WWOX: variants seen among roughly 807,000 people sequenced by gnomAD.
WWOX encodes the protein WW domain-containing oxidoreductase.
A neutral mutation model predicts 46.2 loss-of-function variants in WWOX; 69 were observed. That is an observed-to-expected ratio of 1.49 (90% CI 1.23 to 1.82). The LOEUF is 1.82. Among genes scored for constraint, WWOX ranks in the 40% most tolerant of loss-of-function variants. WWOX has a pLI of 0.00. For missense variants in WWOX, 919 were observed against 542.6 expected, an observed-to-expected ratio of 1.69 and a Z score of -6.89; for synonymous variants, 359 against 202.6, an observed-to-expected ratio of 1.77 and a Z score of -6.56.
intron 8 of WWOX, among the ~76,000 whole-genome samples, chr16:78,964,601 C>T (rs141558724): frequency 0.013 from 2,007 of 152,220 alleles, 24 homozygotes; most frequent in Non-Finnish European, 0.02. Context: ...TCTGATTGTG[C>T]GATAGAAAAG....
chr16:78,887,082 GTGTGTGTGTGT>G (rs2044477228), intron 8 of WWOX, among the ~76,000 whole-genome samples: 22 of 12,860 alleles, frequency 1.7e-3, no homozygotes, highest in East Asian at 9.0e-3. Context: ...TGTGTGGTGT[GTGTGTGTGTGT>G]GTGTGTGTGT....
chr16:78,577,101 C>T (rs372857454), intron 8 of WWOX, among the ~76,000 whole-genome samples: 1 of 152,160 alleles, frequency 6.6e-6, no homozygotes, highest in East Asian at 1.9e-4. Context: ...GGGGAACATT[C>T]TTCTCTTGGT....
chr16:78,787,043 G>A (rs2050474806), intron 8 of WWOX, among the ~76,000 whole-genome samples: 1 of 152,282 alleles, frequency 6.6e-6, no homozygotes, highest in Admixed American at 6.5e-5. Context: ...AGGTATTCAG[G>A]AGGCTGAGGC....
intron 8 of WWOX, among the ~76,000 whole-genome samples, chr16:78,682,998 T>A (rs1314600963): frequency 1.3e-5 from 2 of 152,102 alleles, no homozygotes; most frequent in East Asian, 3.9e-4. Context: ...GATGTGAGAT[T>A]TCAATAAATG....
chr16:78,487,730 C>A (rs1423653131), intron 8 of WWOX, among the ~76,000 whole-genome samples: 3 of 152,102 alleles, frequency 2.0e-5, no homozygotes, highest in African/African-American at 7.2e-5. Context: ...AAATGTCTGG[C>A]CTTCTGGGGA....
intron 8 of WWOX, among the ~76,000 whole-genome samples, chr16:78,657,252 C>T (rs2047102590): frequency 6.6e-6 from 1 of 152,082 alleles, no homozygotes; most frequent in Non-Finnish European, 1.5e-5. Context: ...CCACCCTTGC[C>T]TGGGGTGAGT....
intron 8 of WWOX, among the ~76,000 whole-genome samples, chr16:78,778,608 G>C (rs2050248850): frequency 6.6e-6 from 1 of 152,142 alleles, no homozygotes; most frequent in African/African-American, 2.4e-5. Flanking sequence ...TGTGGTCTCA[G>C]AGTCATTTTA....
intron 8 of WWOX, among the ~76,000 whole-genome samples, chr16:78,929,086 A>G (rs576678449): frequency 1.3e-5 from 2 of 152,240 alleles, no homozygotes; most frequent in African/African-American, 4.8e-5. Context: ...ATCCAAGTAG[A>G]CATCATGTCA....
chr16:78,777,080 G>A (rs940711096), intron 8 of WWOX, among the ~76,000 whole-genome samples: 3 of 152,158 alleles, frequency 2.0e-5, no homozygotes, highest in Non-Finnish European at 4.4e-5. Flanking sequence ...GGAAAATTGG[G>A]AATGAAGTTT....
intron 8 of WWOX, among the ~76,000 whole-genome samples, chr16:79,000,881 A>G (rs1054336508): frequency 9.9e-5 from 15 of 152,116 alleles, no homozygotes; most frequent in African/African-American, 3.6e-4. Context: ...ATGGTTTGTC[A>G]TGTTGCACTT....
chr16:78,753,817 AAAAAAAAAATATATAT>A (rs1265928411), intron 8 of WWOX, among the ~76,000 whole-genome samples: 7 of 76,970 alleles, frequency 9.1e-5, no homozygotes, highest in South Asian at 5.0e-4. Flanking sequence ...AAAAAAAAAA[AAAAAAAAAATATATAT>A]ATATATATAT....
chr16:79,055,240 T>C (rs542904702), intron 8 of WWOX, among the ~76,000 whole-genome samples: 3 of 152,126 alleles, frequency 2.0e-5, no homozygotes, highest in African/African-American at 7.3e-5. Context: ...TTATATTGCT[T>C]AATTAGCCAG....
At chr16:78,736,272 C>T (rs1228747395) in intron 8 of WWOX, among the ~76,000 whole-genome samples, 1 of 152,274 alleles carries the variant, frequency 6.6e-6, no homozygotes, top group Middle Eastern at 3.4e-3. Context: ...ACCTTCGTGT[C>T]GGACAGTCAT....
intron 8 of WWOX, among the ~76,000 whole-genome samples, chr16:78,600,374 A>G (rs2045593470): frequency 6.6e-6 from 1 of 152,250 alleles, no homozygotes; most frequent in East Asian, 1.9e-4. Flanking sequence ...AGATGACGGA[A>G]ACAGCCCCCC....
intron 8 of WWOX, among the ~76,000 whole-genome samples, chr16:78,460,050 G>A (rs572331224): frequency 3.3e-5 from 5 of 151,854 alleles, no homozygotes; most frequent in East Asian, 3.9e-4. Context: ...CAAGCAATCC[G>A]CCCACCTCGG....
intron 8 of WWOX, among the ~76,000 whole-genome samples, chr16:78,842,299 G>C (rs1037271529): frequency 6.7e-6 from 1 of 148,480 alleles, no homozygotes; most frequent in Non-Finnish European, 1.5e-5. Flanking sequence ...TTTGAGACCA[G>C]TCTGGGCAAC....
At chr16:78,290,456 T>C (rs2079842860) in intron 5 of WWOX, among the ~76,000 whole-genome samples, 1 of 152,186 alleles carries the variant, frequency 6.6e-6, no homozygotes, top group Admixed American at 6.5e-5. Context: ...AGAGAACAGC[T>C]TTCCTGTAGG....
At chr16:79,198,717 C>T (rs1221752312) in intron 8 of WWOX, among the ~76,000 whole-genome samples, 1 of 152,200 alleles carries the variant, frequency 6.6e-6, no homozygotes, top group African/African-American at 2.4e-5. Context: ...GGTTGCTTAA[C>T]TTTTCTGGAC....
intron 8 of WWOX, among the ~76,000 whole-genome samples, chr16:78,481,882 A>G (rs1463736677): frequency 2.6e-5 from 4 of 152,156 alleles, no homozygotes; most frequent in Non-Finnish European, 5.9e-5. Context: ...GAGCTTTAAA[A>G]TAAAATAAAT....
Sources: gnomAD v4.1 joint callset for allele counts (sites outside exome capture counted in the v4.1 genomes callset) on GRCh38, gnomAD v4.1.1 for gene constraint, MANE v1.5 for transcripts, NCBI Gene and HGNC (gene_info 2026-07-23, HGNC 2026-07-21) for gene names.